CELSR2: variants seen among roughly 807,000 people sequenced by gnomAD.
The protein encoded by CELSR2 is EGF-like protein 2.
Under a neutral mutation model 251.6 loss-of-function variants are expected in CELSR2, and 81 were observed. The ratio of observed to expected loss-of-function variants is 0.32; its 90% CI spans 0.27 to 0.39. The LOEUF (loss-of-function observed/expected upper bound fraction) is 0.39, where lower values mean the gene tolerates loss of function less well. CELSR2 is among the 10% of genes least tolerant of loss of function. The probability of loss-of-function intolerance (pLI) is 1.00; values close to 1 mark genes in which losing one functional copy is unlikely to be tolerated. For synonymous variants in CELSR2, 1,721 were observed against 1,670.5 expected (o/e 1.03, Z -0.74); for missense variants, 3,365 against 3,947.7 (o/e 0.85, Z 3.96).
At position 109,258,686 on chromosome 1, in the gene CELSR2, C is replaced by G. The variant is rs1294821468; in HGVS notation, c.3565C>G (p.Gln1189Glu). The change falls in exon 2 of 34, where the codon CAG becomes GAG. Residue 1189 changes from glutamine (Q) to glutamate (E), a missense_variant. By Grantham distance (29) the Gln-to-Glu change is conservative. This residue lies in a region of CELSR2 where 2,093 missense variants were observed against 2,382.8 expected (regional missense o/e 0.88). Coordinates refer to ENST00000271332, the MANE Select transcript of CELSR2 (RefSeq NM_001408.3). ...HILNVSLSVG[Q>E]PPGPGGGPPF... The stretch of plus-strand genomic sequence containing the variant: ...CCTCAACGTGAGCCTGTCGGTGGGC[C>G]AGCCGCCAGGGCCCGGGGGCGGGCC... 6.5e-7 allele frequency: 1 copy of G among 1,548,190 alleles called. No homozygotes were observed. Among genetic ancestry groups the G allele is most frequent in the Admixed American group, 2.0e-5 (1 of 50,736 alleles).
At chr1:109,273,994 C>T (rs747920393) in intron 33 of CELSR2, 28 bp from the exon 34 acceptor site, 4 of 1,613,886 alleles carry the variant, frequency 2.5e-6, no homozygotes, top group Middle Eastern at 3.3e-4. Flanking sequence ...TCTGCCTTTT[C>T]TGCCACTTTC....
In CELSR2 at chr1:109,251,430, G is replaced by A. The variant is rs1655684806; in HGVS notation, c.1351G>A (p.Ala451Thr). ...GNARGQFYLD[A>T]QTGALDVVSP... ...TGCTCGGGGACAGTTTTATCTGGATGCCCAGACTGGAGCTCTGGATGTGGT... is the reference window on the plus strand; with the variant it reads ...TGCTCGGGGACAGTTTTATCTGGATACCCAGACTGGAGCTCTGGATGTGGT... The change falls in exon 1 of 34, where the codon GCC (alanine) becomes ACC (threonine). Residue 451 changes from alanine (A) to threonine (T), a missense_variant. Physicochemically the swap from Ala to Thr is moderately conservative, Grantham distance 58 (BLOSUM62 0). This residue lies in a region of CELSR2 where 704 missense variants were observed against 784.1 expected (regional missense o/e 0.90). Coordinates refer to ENST00000271332, the MANE Select transcript of CELSR2 (RefSeq NM_001408.3). The surrounding 1 kb of genome is among the most constrained non-coding windows in gnomAD (Gnocchi z 4.9). 2 of 1,613,802 alleles carry A rather than the reference G, an allele frequency of 1.2e-6. No homozygotes were observed.
At position 109,252,699 on chromosome 1, in the gene CELSR2, C is replaced by G; in HGVS notation, c.2620C>G (p.Arg874Gly). 6.2e-7 allele frequency: 1 copy of G among 1,613,986 alleles called. No homozygotes were observed. The highest frequency in any genetic ancestry group is 8.5e-7 in the Non-Finnish European group (1 of 1,180,022). ...TGTTGAGTCCACGTCAGGCATCGTG[C>G]GAACGCTACGGAGGCTGGATCGAGA... is the stretch of plus-strand genomic sequence containing the variant. ...FIVESTSGIV[R>G]TLRRLDRENV... The change falls in exon 1 of 34, where the codon CGA becomes GGA. Residue 874 changes from arginine (R) to glycine (G), a missense_variant. Around this residue, in one of 5 missense-constraint regions of CELSR2, gnomAD observed 505 missense variants for 660.0 expected, o/e 0.77. Coordinates refer to ENST00000271332, the MANE Select transcript of CELSR2 (RefSeq NM_001408.3). The surrounding 1 kb of genome is among the most constrained non-coding windows in gnomAD (Gnocchi z 4.8).
In CELSR2 at chr1:109,266,475, G is replaced by A. The variant is rs569157830; in HGVS notation, c.6013+269G>A. 1.1e-3 allele frequency: 419 copies of A among 377,572 alleles called. 4 individuals carry two copies. The highest frequency in any genetic ancestry group is 7.7e-3 in the African/African-American group (368 of 47,680). 23.4% of individuals were successfully genotyped at this position (377,572 alleles called of 1,614,324 possible). A position where few individuals can be genotyped will look rare whatever the true frequency, so the allele number is the denominator to read the frequency against. ...GTCACCCAGGCTGGTGTGCAGTGGC[G>A]TGATCTCCGCTCGCTGCAACCTCTG... is the stretch of plus-strand genomic sequence containing the variant. On this transcript the variant is annotated intron_variant, in intron 15 of 33. Coordinates refer to ENST00000271332, the MANE Select transcript of CELSR2 (RefSeq NM_001408.3).
chr1:109,249,723 G>A lies in CELSR2; in HGVS notation c.-357G>A, dbSNP rs977142992. 6.0e-4 allele frequency among the ~76,000 whole-genome samples: 89 copies of A among 148,954 alleles called. 1 individual carries two copies. Among genetic ancestry groups the A allele is most frequent in the Non-Finnish European group, 1.2e-3 (77 of 66,900 alleles). On this transcript the variant is annotated 5_prime_UTR_variant, in exon 1 of 34. Coordinates refer to ENST00000271332, the MANE Select transcript of CELSR2 (RefSeq NM_001408.3). ...GCGGGCGCAGGTGGGCGATCCCATA[G>A]GGGCGGAGGGGGCACCCCGGCTCCG...
chr1:109,267,682 C>T (rs369162263), intron 16 of CELSR2, 40 bp downstream of exon 16: 19 of 1,605,928 alleles, frequency 1.2e-5, no homozygotes, highest in African/African-American at 5.3e-5. Context: ...CCCTGTCCTT[C>T]GTCCTGAGTC....
chr1:109,259,150 C>G, intron 2 of CELSR2, 71 bp downstream of exon 2: 4 of 1,306,056 alleles, frequency 3.1e-6, no homozygotes, highest in Non-Finnish European at 4.1e-6. Context: ...CAAATCAGGA[C>G]AAATGCTGGC....
In CELSR2 at chr1:109,250,445, C is replaced by A. The variant is rs781287956; in HGVS notation, c.366C>A (p.His122Gln). The change falls in exon 1 of 34, where the codon CAC becomes CAA. Residue 122 changes from histidine to glutamine, a missense_variant. Physicochemically the swap from His to Gln is conservative, Grantham distance 24. Transcript: ENST00000271332. This position sits in a 1 kb window ranked among gnomAD's most constrained non-coding sequence, Gnocchi z 4.4. ...GTCGCCTCCTGGGCATTGGAGGCCA[C>A]CTTTCCCCACAGGGCAAGCTCACAC... ...WSCRLLGIGG[H>Q]LSPQGKLTLP... 2 of 1,613,716 alleles carry A rather than the reference C, an allele frequency of 1.2e-6. No homozygotes were observed. The highest frequency in any genetic ancestry group is 1.7e-6 in the Non-Finnish European group (2 of 1,180,024).
At chr1:109,253,741 G>A (rs1194136939) in intron 1 of CELSR2, among the ~76,000 whole-genome samples, 1 of 152,140 alleles carries the variant, frequency 6.6e-6, no homozygotes, top group South Asian at 2.1e-4. Flanking sequence ...AGAGCTGGGG[G>A]AAGGGCAGAG....
intron 18 of CELSR2, 26 bp from the exon 19 acceptor site, chr1:109,268,854 C>T (rs370689353): frequency 1.3e-5 from 20 of 1,590,532 alleles, no homozygotes; most frequent in South Asian, 5.6e-5. Context: ...CTCACAGGTC[C>T]GATCTGTGAC....
chr1:109,268,248 CAT>C (rs1346412442), intron 17 of CELSR2, among the ~76,000 whole-genome samples, 188 bp downstream of exon 17: 5 of 152,170 alleles, frequency 3.3e-5, no homozygotes, highest in Non-Finnish European at 7.4e-5. Context: ...CTCATAGTAA[CAT>C]ATGTGTGTTG....
At position 109,268,715 on chromosome 1, in the gene CELSR2, C is replaced by T. The variant is rs773891512; in HGVS notation, c.6453C>T (p.Asn2151=). 6 of 1,612,840 alleles carry T rather than the reference C, an allele frequency of 3.7e-6. No individual in the cohort carries two copies. In the Admixed American group the frequency reaches 8.3e-5, roughly 22 times the overall value. The change falls in exon 18 of 34, where the codon AAC becomes AAT. Residue 2151 remains asparagine (N), a synonymous_variant. Coordinates refer to ENST00000271332, the MANE Select transcript of CELSR2 (RefSeq NM_001408.3). ...YEAYASALAQ[N]MRHTYLSPFT... Reference sequence around the variant, plus strand: ...CCTACGCCAGTGCCCTGGCCCAGAACATGCGGCACACCTACCTAAGCCCCT... The same window carrying T: ...CCTACGCCAGTGCCCTGGCCCAGAATATGCGGCACACCTACCTAAGCCCCT...
rs1360794970 is a variant in CELSR2, at chr1:109,265,925, C to G, written c.5911+7C>G. 1.2e-6 allele frequency: 2 copies of G among 1,608,306 alleles called. No individual in the cohort carries two copies. Among genetic ancestry groups the G allele is most frequent in the Non-Finnish European group, 1.7e-6 (2 of 1,176,120 alleles). ...ACCACCAATGGCTGTGAAGGTGGGG[C>G]TCCTGGGATGGGTGGGCAGCCCTCC... On this transcript the variant is annotated splice_region_variant and intron_variant, in intron 14 of 33. Transcript: ENST00000271332.
At position 109,272,635 on chromosome 1, in the gene CELSR2, C is replaced by T. The variant is rs200335925; in HGVS notation, c.8055-5C>T. On this transcript the variant is annotated splice_region_variant and splice_polypyrimidine_tract_variant and intron_variant, in intron 29 of 33. Coordinates refer to ENST00000271332, the MANE Select transcript of CELSR2 (RefSeq NM_001408.3). ...GACCCCTCCAGCATGGTCTCATCTTCCTAGGGAGGAGTCCGCACTGAACCC... is the reference window on the plus strand; with the variant it reads ...GACCCCTCCAGCATGGTCTCATCTTTCTAGGGAGGAGTCCGCACTGAACCC... 32 of 1,612,436 alleles carry T rather than the reference C, an allele frequency of 2.0e-5. No homozygotes were observed. In the Admixed American group the frequency reaches 4.5e-4, roughly 23 times the overall value.
Position 109,264,644 on chromosome 1 carries a change from A to G in CELSR2, c.5464+16A>G, listed in dbSNP as rs1178673861. The stretch of plus-strand genomic sequence containing the variant: ...TGTGATCCAGGTATGCTAAGGATCC[A>G]GGGCAACGGGCAGGTTATCAGGTGC... On this transcript the variant is annotated intron_variant, in intron 11 of 33. Coordinates refer to ENST00000271332, the MANE Select transcript of CELSR2 (RefSeq NM_001408.3). 1 of 1,604,662 alleles carries G rather than the reference A, an allele frequency of 6.2e-7. No homozygotes were observed. Among genetic ancestry groups the G allele is most frequent in the African/African-American group, 1.3e-5 (1 of 74,784 alleles).
chr1:109,267,414 T>A, intron 15 of CELSR2, 134 bp from the exon 16 acceptor site: 1 of 726,192 alleles, frequency 1.4e-6, no homozygotes, highest in Non-Finnish European at 2.2e-6. Context: ...GTCTTCCTGT[T>A]TCACCAGGGC....
Position 109,251,360 on chromosome 1 carries a change from C to T in CELSR2, c.1281C>T (p.Asp427=). Reference sequence around the variant, plus strand: ...TCCGAGTCACAGCCTCGGATCGAGACAAGGGGAGCAATGCCGTGGTGCACT... The same window carrying T: ...TCCGAGTCACAGCCTCGGATCGAGATAAGGGGAGCAATGCCGTGGTGCACT... ...PVLRVTASDR[D]KGSNAVVHYS... The change falls in exon 1 of 34, where the codon GAC becomes GAT. Residue 427 remains aspartate, a synonymous_variant. Transcript: ENST00000271332. This position sits in a 1 kb window ranked among gnomAD's most constrained non-coding sequence, Gnocchi z 4.9. 1.2e-6 allele frequency: 2 copies of T among 1,614,100 alleles called. No individual in the cohort carries two copies. The highest frequency in any genetic ancestry group is 1.7e-6 in the Non-Finnish European group (2 of 1,180,026).
At chr1:109,263,477 G>C (rs1656084925) in intron 8 of CELSR2, 134 bp from the exon 9 acceptor site, 9 of 1,412,456 alleles carry the variant, frequency 6.4e-6, no homozygotes, top group Non-Finnish European at 8.7e-6. Context: ...CCCAGGGCAG[G>C]TACGCACTTT....
chr1:109,252,872 A>G lies in CELSR2; in HGVS notation c.2793A>G (p.Glu931=), dbSNP rs1655736703. The change falls in exon 1 of 34, where the codon GAA becomes GAG. Residue 931 remains glutamate (E), a synonymous_variant. Transcript: ENST00000271332. The surrounding 1 kb of genome is among the most constrained non-coding windows in gnomAD (Gnocchi z 4.8). ...FEQDEFDVFV[E]ENSPIGLAVA... ...AGGATGAGTTTGATGTGTTTGTGGA[A>G]GAGAACAGCCCCATTGGGCTAGCCG... 1 of 1,613,176 alleles carries G rather than the reference A, an allele frequency of 6.2e-7. No homozygotes were observed. The highest frequency in any genetic ancestry group is 1.3e-5 in the African/African-American group (1 of 74,928).
Sources: allele counts gnomAD v4.1 joint callset (sites outside exome capture counted in the v4.1 genomes callset), GRCh38; gene constraint gnomAD v4.1.1; regional missense constraint gnomAD v4.1.1; non-coding constraint Gnocchi (gnomAD v3.1); transcripts MANE v1.5; gene names NCBI Gene and HGNC (gene_info 2026-07-23, HGNC 2026-07-21).